KDSR: variants seen among roughly 807,000 people sequenced by gnomAD.
KDSR encodes 3-ketodihydrosphingosine reductase.
A neutral mutation model predicts 41.3 loss-of-function variants in KDSR; 23 were observed. The observed-to-expected ratio is 0.56, with a 90% CI of 0.40 to 0.79. The LOEUF (loss-of-function observed/expected upper bound fraction) is 0.79, where lower values mean the gene tolerates loss of function less well. KDSR is among the 30% of genes least tolerant of loss of function. KDSR has a pLI of 0.00. For missense variants in KDSR, 351 were observed against 416.8 expected, an observed-to-expected ratio of 0.84 and a Z score of 1.37; for synonymous variants, 138 against 151.7, an observed-to-expected ratio of 0.91 and a Z score of 0.66.
chr18:63,328,351 TTTTC>T lies in KDSR; in HGVS notation c.*3427_*3430del, dbSNP rs1281873456. ...TTTAACAGATCCAGATAAAGATTTT[TTTTC>T]TTTTTTTTTTTTTTTGAGACAGAGT... On this transcript the variant is annotated 3_prime_UTR_variant, in exon 10 of 10. Coordinates refer to ENST00000645214, the MANE Select transcript of KDSR (RefSeq NM_002035.4). 1 of 137,824 alleles carries T rather than the reference TTTTC, an allele frequency of 7.3e-6. No homozygotes were observed. The highest frequency in any genetic ancestry group is 1.0e-4 in the Admixed American group (1 of 9,568). The allele number at this position is 137,824 out of a possible 1,614,324, so 8.5% of individuals were successfully genotyped here.
chr18:63,356,024 G>A (rs1914783797), intron 3 of KDSR, among the ~76,000 whole-genome samples: 1 of 152,194 alleles, frequency 6.6e-6, no homozygotes, highest in Admixed American at 6.5e-5. Flanking sequence ...TTCTAGTCTA[G>A]AGGGGTTGCC....
chr18:63,355,136 G>C (rs751126148), intron 5 of KDSR, 68 bp downstream of exon 5: 264 of 1,046,618 alleles, frequency 2.5e-4, no homozygotes, highest in Non-Finnish European at 3.5e-4. Flanking sequence ...GATTCTTAAA[G>C]CTTTTACCCG....
intron 3 of KDSR, among the ~76,000 whole-genome samples, chr18:63,358,527 A>G (rs1182943436): frequency 1.3e-5 from 2 of 152,086 alleles, no homozygotes; most frequent in East Asian, 3.9e-4. Flanking sequence ...AACTAAGTAT[A>G]TTGGCCAGGC....
chr18:63,353,628 A>T (rs1451514720), intron 5 of KDSR, among the ~76,000 whole-genome samples: 1 of 152,224 alleles, frequency 6.6e-6, no homozygotes, highest in East Asian at 1.9e-4. Context: ...TGGTCGATCC[A>T]TACAAAGGAA....
intron 8 of KDSR, among the ~76,000 whole-genome samples, chr18:63,336,582 G>C (rs551735706): frequency 6.6e-6 from 1 of 152,136 alleles, no homozygotes; most frequent in Non-Finnish European, 1.5e-5. Context: ...TGATGAAAGC[G>C]ATTTTTCTGA....
chr18:63,339,861 G>A (rs987743248), intron 7 of KDSR, among the ~76,000 whole-genome samples: 15 of 152,204 alleles, frequency 9.9e-5, no homozygotes, highest in African/African-American at 3.4e-4. Flanking sequence ...GCATGAGACT[G>A]TAAACTTTAC....
rs775602912 is a variant in KDSR, at chr18:63,331,937, C to T, written c.880-36G>A. ...AAGAGAGAGCTTTTAGTGCATCCAA[C>T]GGTACAAGACTATTTCAAGGTACCT... On this transcript the variant is annotated intron_variant, in intron 9 of 9. Coordinates refer to ENST00000645214, the MANE Select transcript of KDSR (RefSeq NM_002035.4). 6.4e-5 allele frequency: 102 copies of T among 1,600,474 alleles called. No homozygotes were observed. In the Admixed American group the frequency reaches 1.5e-3, roughly 23 times the overall value.
chr18:63,350,868 A>G lies in KDSR; in HGVS notation c.609+20T>C. The G allele has an allele frequency of 6.3e-7, 1 of 1,579,778 alleles. No homozygotes were observed. Among genetic ancestry groups the G allele is most frequent in the Non-Finnish European group, 8.7e-7 (1 of 1,153,720 alleles). ...TGCTGAGCGGAGAGGAATAAATACAAAAATGAATACAACTTTTACCTCCAT... is the reference window on the plus strand; with the variant it reads ...TGCTGAGCGGAGAGGAATAAATACAGAAATGAATACAACTTTTACCTCCAT... On this transcript the variant is annotated intron_variant, in intron 6 of 9. Coordinates refer to ENST00000645214, the MANE Select transcript of KDSR (RefSeq NM_002035.4).
At position 63,330,725 on chromosome 18, in the gene KDSR, C is replaced by G. The variant is rs749444854; in HGVS notation, c.*1057G>C. On this transcript the variant is annotated 3_prime_UTR_variant, in exon 10 of 10. Transcript: ENST00000645214. ...ATATATGCTCCGAGAAAAAGTCACA[C>G]TTTTTAATTTTTTCATTTGCTTTAA... The G allele has an allele frequency of 4.4e-6, 1 of 228,230 alleles. No individual in the cohort carries two copies. The highest frequency in any genetic ancestry group is 6.3e-5 in the East Asian group (1 of 15,912). The allele number at this position is 228,230 out of a possible 1,614,324, so 14.1% of individuals were successfully genotyped here. A position where few individuals can be genotyped will look rare whatever the true frequency, so the allele number is the denominator to read the frequency against.
intron 9 of KDSR, among the ~76,000 whole-genome samples, chr18:63,332,296 CTG>C (rs925083465): frequency 1.3e-5 from 2 of 152,188 alleles, no homozygotes; most frequent in African/African-American, 4.8e-5. Flanking sequence ...GCTGTGAACA[CTG>C]TGGTGAGAGA....
At chr18:63,361,354 A>C (rs1015995433) in intron 2 of KDSR, among the ~76,000 whole-genome samples, 7 of 150,056 alleles carry the variant, frequency 4.7e-5, no homozygotes, top group African/African-American at 1.7e-4. Context: ...CTCCACTTTT[A>C]TTTACTTGCA....
intron 6 of KDSR, chr18:63,346,326 C>G (rs1312659043): frequency 2.0e-5 from 3 of 152,298 alleles, no homozygotes; most frequent in African/African-American, 7.2e-5. Flanking sequence ...GAGATAGTGA[C>G]TTATAAAAAC....
At chr18:63,351,921 C>G (rs574752003) in intron 5 of KDSR, among the ~76,000 whole-genome samples, 1 of 152,074 alleles carries the variant, frequency 6.6e-6, no homozygotes, top group South Asian at 2.1e-4. Flanking sequence ...GGACCTGGGA[C>G]TACAGGCACA....
At chr18:63,332,341 G>A (rs1568274244) in intron 9 of KDSR, among the ~76,000 whole-genome samples, 1 of 152,172 alleles carries the variant, frequency 6.6e-6, no homozygotes, top group African/African-American at 2.4e-5. Context: ...CTTATTCTCA[G>A]GCTGGAAAGA....
rs546078749 is a variant in KDSR, at chr18:63,338,382, G to A, written c.777+418C>T. 4.6e-5 allele frequency among the ~76,000 whole-genome samples: 7 copies of A among 152,354 alleles called. No homozygotes were observed. In the South Asian group the frequency reaches 1.4e-3, roughly 32 times the overall value. ...AAAAAACATATCAACAGGGAAGACA[G>A]GAGGACAGGCCCACGGGGCTGGTGG... On this transcript the variant is annotated intron_variant, in intron 8 of 9. Transcript: ENST00000645214.
At chr18:63,357,583 TATATA>T (rs1231312159) in intron 3 of KDSR, among the ~76,000 whole-genome samples, 1 of 58,172 alleles carries the variant, frequency 1.7e-5, no homozygotes, top group African/African-American at 7.7e-5. Context: ...TATATATATA[TATATA>T]TATATATTTT....
At chr18:63,336,305 C>T (rs766564684) in intron 8 of KDSR, among the ~76,000 whole-genome samples, 32 of 152,186 alleles carry the variant, frequency 2.1e-4, no homozygotes, top group South Asian at 6.2e-4. Context: ...GCTGGGATTA[C>T]AGGCATGAGC....
intron 3 of KDSR, among the ~76,000 whole-genome samples, chr18:63,357,527 A>ATT (rs776918791): frequency 1.0e-3 from 147 of 147,394 alleles, no homozygotes; most frequent in Middle Eastern, 7.1e-3. Flanking sequence ...AATTTTTAAA[A>ATT]TTATATATAT....
chr18:63,360,047 C>G (rs1232777569), intron 2 of KDSR, among the ~76,000 whole-genome samples: 1 of 152,070 alleles, frequency 6.6e-6, no homozygotes, highest in East Asian at 1.9e-4. Flanking sequence ...ACAGATAAAC[C>G]TCAAAATCCC....
Sources: gnomAD v4.1 joint callset for allele counts (sites outside exome capture counted in the v4.1 genomes callset) on GRCh38, gnomAD v4.1.1 for gene constraint, MANE v1.5 for transcripts, NCBI Gene and HGNC (gene_info 2026-07-23, HGNC 2026-07-21) for gene names.